The following RIMS1 variants were observed in gnomAD, a reference collection of about 807,000 sequenced individuals.
RIMS1 encodes the protein regulating synaptic membrane exocytosis protein 1.
RIMS1 carries 83 observed loss-of-function variants against 214.1 expected under a neutral mutation model. The ratio of observed to expected loss-of-function variants is 0.39; its 90% CI spans 0.32 to 0.47. RIMS1 has a LOEUF of 0.47. Ranked by LOEUF, RIMS1 falls within the 20% of genes least tolerant of loss-of-function variation. RIMS1 has a pLI of 0.99. For synonymous variants in RIMS1, 793 were observed against 786.8 expected, an observed-to-expected ratio of 1.01 and a Z score of -0.13; for missense variants, 2,050 against 2,161.8, an observed-to-expected ratio of 0.95 and a Z score of 1.03.
At position 72,163,006 on chromosome 6, in the gene RIMS1, C is replaced by A. The variant is rs1342876466; in HGVS notation, c.472-16569C>A. On this transcript the variant is annotated intron_variant, in intron 4 of 33. Coordinates refer to ENST00000521978, the MANE Select transcript of RIMS1 (RefSeq NM_014989.7). ...GTTTTCCAACTTGGTTCCATGCTCCCCGTGACTTTCAGGTATACCTATCAG... is the reference window on the plus strand; with the variant it reads ...GTTTTCCAACTTGGTTCCATGCTCCACGTGACTTTCAGGTATACCTATCAG... Among the ~76,000 whole-genome samples the A allele has an allele frequency of 3.1e-5, 4 of 127,268 alleles. 1 individual carries two copies. The highest frequency in any genetic ancestry group is 5.5e-5 in the Non-Finnish European group (3 of 54,184). 83.5% of individuals were successfully genotyped at this position (127,268 alleles called of 152,430 possible). A position where few individuals can be genotyped will look rare whatever the true frequency, so the allele number is the denominator to read the frequency against.
chr6:72,275,083 T>A (rs2085485917), intron 23 of RIMS1, among the ~76,000 whole-genome samples: 1 of 141,840 alleles, frequency 7.1e-6, no homozygotes, highest in Non-Finnish European at 1.5e-5. Flanking sequence ...TTGTTATTCT[T>A]CTCAGTGTGA....
chr6:72,181,792 C>G (rs2048440871), intron 5 of RIMS1, among the ~76,000 whole-genome samples: 1 of 152,114 alleles, frequency 6.6e-6, no homozygotes, highest in Non-Finnish European at 1.5e-5. Flanking sequence ...GTATTTTGTA[C>G]TGTCAAGGAG....
chr6:72,080,798 T>C lies in RIMS1; in HGVS notation c.246-16151T>C, dbSNP rs963010241. Among the ~76,000 whole-genome samples, 153 of 152,318 alleles carry C rather than the reference T, an allele frequency of 1.0e-3. 1 individual carries two copies. The highest frequency in any genetic ancestry group is 3.2e-3 in the African/African-American group (134 of 41,588). On this transcript the variant is annotated intron_variant, in intron 2 of 33. Coordinates refer to ENST00000521978, the MANE Select transcript of RIMS1 (RefSeq NM_014989.7). ...TGCTCCCTCACCTCCTTCAGGTCTT[T>C]GCTCAAATTTCACCTTTTGGTGAAG...
At chr6:72,115,191 G>T (rs72936905) in intron 4 of RIMS1, among the ~76,000 whole-genome samples, 8,378 of 151,960 alleles carry the variant, frequency 0.055, 338 homozygotes, top group Middle Eastern at 0.095. Flanking sequence ...ATTGGCATAT[G>T]AGTTTGATTA....
chr6:72,105,090 A>T (rs1424303025), intron 4 of RIMS1, among the ~76,000 whole-genome samples: 1 of 151,766 alleles, frequency 6.6e-6, no homozygotes, highest in African/African-American at 2.4e-5. Context: ...CTGGCTAATT[A>T]AAAAAAATTT....
At chr6:72,397,117 A>G (rs980512206) in intron 31 of RIMS1, among the ~76,000 whole-genome samples, 1 of 152,190 alleles carries the variant, frequency 6.6e-6, no homozygotes, top group Non-Finnish European at 1.5e-5. Flanking sequence ...GTAAATAGAA[A>G]GCTGAAAAAA....
intron 22 of RIMS1, among the ~76,000 whole-genome samples, chr6:72,272,845 T>A (rs1435936993): frequency 6.6e-6 from 1 of 152,166 alleles, no homozygotes; most frequent in Non-Finnish European, 1.5e-5. Flanking sequence ...TTTCCAATTA[T>A]TTTACAACTA....
At chr6:72,364,337 A>C (rs1240854472) in intron 29 of RIMS1, among the ~76,000 whole-genome samples, 1 of 152,190 alleles carries the variant, frequency 6.6e-6, no homozygotes, top group Non-Finnish European at 1.5e-5. Flanking sequence ...ACCTTTAAAA[A>C]TAGTCAAGAT....
At chr6:71,894,584 T>G (rs1041569065) in intron 1 of RIMS1, among the ~76,000 whole-genome samples, 1 of 152,252 alleles carries the variant, frequency 6.6e-6, no homozygotes, top group Non-Finnish European at 1.5e-5. Context: ...CAGGACTGTC[T>G]TTATGAGAAT....
chr6:72,191,908 G>A (rs1193762756), intron 6 of RIMS1, among the ~76,000 whole-genome samples: 1 of 152,178 alleles, frequency 6.6e-6, no homozygotes, highest in African/African-American at 2.4e-5. Context: ...TCAAGTACTC[G>A]ATGATGGCAC....
intron 29 of RIMS1, among the ~76,000 whole-genome samples, chr6:72,336,183 TTC>T (rs1473069808): frequency 1.3e-5 from 2 of 151,820 alleles, no homozygotes; most frequent in African/African-American, 4.8e-5. Flanking sequence ...GTCTGTCTTT[TTC>T]TCTCTCTTCT....
chr6:72,115,189 A>G (rs1309008302), intron 4 of RIMS1, among the ~76,000 whole-genome samples: 1 of 151,932 alleles, frequency 6.6e-6, no homozygotes, highest in East Asian at 1.9e-4. Flanking sequence ...TGATTGGCAT[A>G]TGAGTTTGAT....
chr6:72,223,996 C>CTGAA (rs956602870), intron 6 of RIMS1, among the ~76,000 whole-genome samples: 17 of 150,244 alleles, frequency 1.1e-4, no homozygotes, highest in Admixed American at 6.6e-5. Context: ...CTAATTATTC[C>CTGAA]TGATACCAAC....
chr6:72,202,002 G>T (rs1277154934), intron 6 of RIMS1, among the ~76,000 whole-genome samples: 2 of 152,162 alleles, frequency 1.3e-5, no homozygotes, highest in African/African-American at 4.8e-5. Flanking sequence ...ACCTCGTGGG[G>T]CATTTCTGAT....
chr6:72,208,445 G>C (rs2463749), intron 6 of RIMS1, among the ~76,000 whole-genome samples: 73,951 of 152,004 alleles, frequency 0.49, 19,327 homozygotes, highest in East Asian at 0.83. Flanking sequence ...CAAAGAACAG[G>C]CAAATGCTAA....
chr6:71,965,824 TG>T, intron 1 of RIMS1, among the ~76,000 whole-genome samples: 1 of 152,278 alleles, frequency 6.6e-6, no homozygotes, highest in African/African-American at 2.4e-5. Context: ...GTGGTAATTC[TG>T]GGAAGTCAGC....
At chr6:71,902,852 G>A (rs1774112054) in intron 1 of RIMS1, among the ~76,000 whole-genome samples, 2 of 152,066 alleles carry the variant, frequency 1.3e-5, no homozygotes. Context: ...GCAAAGGACA[G>A]AATTTCATTC....
At chr6:71,935,838 A>G (rs1320038742) in intron 1 of RIMS1, among the ~76,000 whole-genome samples, 2 of 152,214 alleles carry the variant, frequency 1.3e-5, no homozygotes, top group Non-Finnish European at 2.9e-5. Context: ...TGTTCTCTCT[A>G]AAATATTATG....
At chr6:72,350,172 A>C (rs2097397326) in intron 29 of RIMS1, among the ~76,000 whole-genome samples, 1 of 152,136 alleles carries the variant, frequency 6.6e-6, no homozygotes, top group Admixed American at 6.6e-5. Context: ...GAATTTTAAA[A>C]ATCTAATTTT....
Sources: allele counts gnomAD v4.1 joint callset (sites outside exome capture counted in the v4.1 genomes callset), GRCh38; gene constraint gnomAD v4.1.1; transcripts MANE v1.5; gene names NCBI Gene and HGNC (gene_info 2026-07-23, HGNC 2026-07-21).